The following SCAPER variants were observed in gnomAD, a reference collection of about 807,000 sequenced individuals.
SCAPER encodes the protein S phase cyclin A-associated protein in the endoplasmic reticulum.
Under a neutral mutation model 182.2 loss-of-function variants are expected in SCAPER, and 98 were observed. That is an observed-to-expected ratio of 0.54 (90% CI 0.46 to 0.64). The LOEUF (loss-of-function observed/expected upper bound fraction) is 0.64. Among genes scored for constraint, SCAPER ranks in the 30% least tolerant of loss-of-function variants. The probability of loss-of-function intolerance (pLI) is 0.00; values close to 1 mark genes in which losing one functional copy is unlikely to be tolerated. For synonymous variants in SCAPER, 605 were observed against 564.6 expected (o/e 1.07, Z -1.01); for missense variants, 1,432 against 1,690.0 (o/e 0.85, Z 2.68).
At chr15:76,797,763 A>T (rs1334280957) in intron 7 of SCAPER, among the ~76,000 whole-genome samples, 1 of 152,202 alleles carries the variant, frequency 6.6e-6, no homozygotes, top group East Asian at 1.9e-4. Flanking sequence ...ACATACACTC[A>T]TGTTGTGTGT....
At chr15:76,795,646 A>ATATACTTAATAT in intron 7 of SCAPER, among the ~76,000 whole-genome samples, 1 of 152,238 alleles carries the variant, frequency 6.6e-6, no homozygotes, top group Non-Finnish European at 1.5e-5. Flanking sequence ...AACATATGGG[A>ATATACTTAATAT]ATAAACAGAA....
At chr15:76,432,216 A>G (rs952401786) in intron 26 of SCAPER, among the ~76,000 whole-genome samples, 2 of 152,222 alleles carry the variant, frequency 1.3e-5, no homozygotes, top group African/African-American at 4.8e-5. Flanking sequence ...TACAACGACC[A>G]AAAGGACATG....
chr15:76,769,442 CAAAAA>C (rs36078656), intron 10 of SCAPER, among the ~76,000 whole-genome samples: 1 of 69,954 alleles, frequency 1.4e-5, no homozygotes, highest in Non-Finnish European at 2.8e-5. Flanking sequence ...GACTCTGTCT[CAAAAA>C]AAAAAAAAAA....
intron 5 of SCAPER, among the ~76,000 whole-genome samples, chr15:76,816,919 T>TGG (rs2067133797): frequency 6.6e-6 from 1 of 152,230 alleles, no homozygotes; most frequent in Non-Finnish European, 1.5e-5. Context: ...CCCAAAGTGC[T>TGG]GGGATTACAG....
At chr15:76,725,196 C>A (rs1161845888) in intron 17 of SCAPER, among the ~76,000 whole-genome samples, 2 of 151,596 alleles carry the variant, frequency 1.3e-5, no homozygotes, top group Non-Finnish European at 2.9e-5. Context: ...AAAATGTGTA[C>A]AAAAAATAAA....
intron 21 of SCAPER, among the ~76,000 whole-genome samples, chr15:76,638,288 A>T (rs959590106): frequency 6.6e-6 from 1 of 152,122 alleles, no homozygotes; most frequent in Non-Finnish European, 1.5e-5. Flanking sequence ...GCTCTCAACC[A>T]AGAGTTCACA....
At chr15:76,725,552 T>A (rs2060533655) in intron 17 of SCAPER, among the ~76,000 whole-genome samples, 2 of 152,000 alleles carry the variant, frequency 1.3e-5, no homozygotes, top group Non-Finnish European at 2.9e-5. Context: ...AAAACAATCT[T>A]GAAAAGAACA....
chr15:76,621,739 G>C (rs200873386), intron 22 of SCAPER, 25 bp downstream of exon 22: 1 of 1,583,462 alleles, frequency 6.3e-7, no homozygotes, highest in African/African-American at 1.3e-5. Context: ...TGAAGAAAAG[G>C]AGAACTAAAA....
At chr15:76,684,884 G>T (rs573826463) in intron 20 of SCAPER, among the ~76,000 whole-genome samples, 4 of 150,588 alleles carry the variant, frequency 2.7e-5, no homozygotes, top group Admixed American at 6.6e-5. Flanking sequence ...CCAGAAAATA[G>T]AAAAAAAAGA....
At position 76,594,743 on chromosome 15, in the gene SCAPER, G is replaced by A. The variant is rs565791454; in HGVS notation, c.2712-20459C>T. ...AGCCAAATTAAGCTTCATAAGCAAAGGAGAAATAAAATCCTTTACAGACAA... is the reference window on the plus strand; with the variant it reads ...AGCCAAATTAAGCTTCATAAGCAAAAGAGAAATAAAATCCTTTACAGACAA... On this transcript the variant is annotated intron_variant, in intron 22 of 31. Transcript: ENST00000563290. Among the ~76,000 whole-genome samples the A allele has an allele frequency of 2.2e-3, 265 of 121,372 alleles. 88 individuals are homozygous for A. Among genetic ancestry groups the A allele is most frequent in the Non-Finnish European group, 4.5e-3 (223 of 50,014 alleles). The allele number at this position is 121,372 out of a possible 152,430, so 79.6% of individuals were successfully genotyped here.
intron 21 of SCAPER, among the ~76,000 whole-genome samples, chr15:76,639,849 A>T (rs1040324804): frequency 2.0e-5 from 3 of 152,176 alleles, no homozygotes; most frequent in African/African-American, 7.2e-5. Flanking sequence ...GGAAAGATGC[A>T]TATTAGTTCA....
chr15:76,417,217 G>GTA (rs562952148), intron 26 of SCAPER, among the ~76,000 whole-genome samples: 4 of 102,580 alleles, frequency 3.9e-5, no homozygotes, highest in Non-Finnish European at 7.3e-5. Flanking sequence ...GTCTGTGTGT[G>GTA]TTAAAAAAAC....
intron 16 of SCAPER, among the ~76,000 whole-genome samples, chr15:76,730,947 C>T (rs910297925): frequency 3.9e-5 from 6 of 152,046 alleles, no homozygotes; most frequent in Admixed American, 2.6e-4. Context: ...GTTACTCAAC[C>T]TATTAATTTC....
At chr15:76,408,595 A>G (rs2045037545) in intron 26 of SCAPER, among the ~76,000 whole-genome samples, 1 of 151,988 alleles carries the variant, frequency 6.6e-6, no homozygotes, top group African/African-American at 2.4e-5. Flanking sequence ...CATTAAATAA[A>G]TTTATAGTCT....
chr15:76,789,081 TA>T (rs1267391129), intron 8 of SCAPER, among the ~76,000 whole-genome samples: 1 of 152,204 alleles, frequency 6.6e-6, no homozygotes, highest in Non-Finnish European at 1.5e-5. Flanking sequence ...AGAATATAAA[TA>T]GGCATTTTCT....
At chr15:76,547,021 G>C (rs760036575) in intron 23 of SCAPER, among the ~76,000 whole-genome samples, 6 of 152,066 alleles carry the variant, frequency 3.9e-5, no homozygotes, top group Admixed American at 3.3e-4. Flanking sequence ...TCCTTGTACA[G>C]ATCTCACCAC....
In SCAPER at chr15:76,857,800, A is replaced by G; in HGVS notation, c.195+9T>C. ...AAGTAAATAAGTAAAAAAGTTATAG[A>G]TGCTGTACCTGTTTAGTAGTTTTAT... On this transcript the variant is annotated intron_variant, in intron 4 of 31. Coordinates refer to ENST00000563290, the MANE Select transcript of SCAPER (RefSeq NM_020843.4). The G allele has an allele frequency of 1.3e-6, 2 of 1,501,882 alleles. No individual in the cohort carries two copies. The highest frequency in any genetic ancestry group is 1.8e-6 in the Non-Finnish European group (2 of 1,115,308). 93.0% of individuals were successfully genotyped at this position (1,501,882 alleles called of 1,614,324 possible).
chr15:76,552,134 C>T (rs570968479), intron 23 of SCAPER, among the ~76,000 whole-genome samples: 3 of 152,044 alleles, frequency 2.0e-5, no homozygotes, highest in East Asian at 1.9e-4. Context: ...AATTTAAAAA[C>T]GAGCCAAGCA....
intron 21 of SCAPER, among the ~76,000 whole-genome samples, chr15:76,659,889 T>C (rs896837505): frequency 6.6e-6 from 1 of 152,196 alleles, no homozygotes. Context: ...ATTCCATTAT[T>C]GGGTATATAC....
Sources: allele counts gnomAD v4.1 joint callset (sites outside exome capture counted in the v4.1 genomes callset), GRCh38; gene constraint gnomAD v4.1.1; transcripts MANE v1.5; gene names NCBI Gene and HGNC (gene_info 2026-07-23, HGNC 2026-07-21).